The following GUK1 variants were observed in gnomAD, a reference collection of about 807,000 sequenced individuals.
The protein encoded by GUK1 is guanylate kinase.
A neutral mutation model predicts 25.2 loss-of-function variants in GUK1; 18 were observed. The observed-to-expected ratio is 0.71, with a 90% CI of 0.49 to 1.06. GUK1 has a LOEUF of 1.06. GUK1 is among the 50% of genes least tolerant of loss of function. The pLI is 0.00. For synonymous variants in GUK1, 105 were observed against 117.6 expected (o/e 0.89, Z 0.69); for missense variants, 261 against 276.7 (o/e 0.94, Z 0.40).
chr1:228,141,314 G>A (rs932197658), intron 2 of GUK1: 2 of 965,056 alleles, frequency 2.1e-6, no homozygotes, highest in Non-Finnish European at 2.5e-6. Flanking sequence ...TGTCCCCCCC[G>A]GGGAAAGAAA....
chr1:228,140,898 A>G (rs2034007570), intron 1 of GUK1, among the ~76,000 whole-genome samples: 1 of 152,236 alleles, frequency 6.6e-6, no homozygotes, highest in African/African-American at 2.4e-5. Context: ...CTCCAAAGCC[A>G]GAGTCCGGGT....
At chr1:228,146,609 AACCCAGC>A in intron 4 of GUK1, 1 of 557,124 alleles carries the variant, frequency 1.8e-6, no homozygotes, top group Admixed American at 3.0e-5. Context: ...TCCCCACTGG[AACCCAGC>A]AGTCTCGTAT....
At chr1:228,142,778 A>C (rs2034132679) in intron 2 of GUK1, among the ~76,000 whole-genome samples, 1 of 151,838 alleles carries the variant, frequency 6.6e-6, no homozygotes, top group African/African-American at 2.4e-5. Flanking sequence ...GAGCTCCCCA[A>C]TTCCTGGGCA....
intron 3 of GUK1, 80 bp from the exon 3 acceptor site, chr1:228,145,946 C>A: frequency 9.7e-7 from 1 of 1,032,578 alleles, no homozygotes; most frequent in Non-Finnish European, 1.5e-6. Context: ...GGCTCAAGTG[C>A]TGTCGGGACT....
At chr1:228,141,786 G>T (rs767325586) in intron 2 of GUK1, 1 of 1,270,108 alleles carries the variant, frequency 7.9e-7, no homozygotes, top group Non-Finnish European at 1.0e-6. Context: ...GCTCCCAGGA[G>T]ACCTTCCATC....
chr1:228,142,118 A>AGCCT lies in GUK1; in HGVS notation c.-3+832_-3+835dup, dbSNP rs2034093842. Reference sequence around the variant, plus strand: ...CTGGTCTCTCCCCAGGCAGGCAGGCAGCCTGTGCCTCCGCCCTGTCTCCAG... The same window carrying AGCCT: ...CTGGTCTCTCCCCAGGCAGGCAGGCAGCCTGCCTGTGCCTCCGCCCTGTCTCCAG... On this transcript the variant is annotated intron_variant, in intron 2 of 8. Coordinates refer to ENST00000312726, the MANE Select transcript of GUK1 (RefSeq NM_000858.7). 4.1e-5 allele frequency among the ~76,000 whole-genome samples: 6 copies of AGCCT among 147,472 alleles called. No homozygotes were observed. The South Asian group carries it at 1.3e-3, about 32-fold the overall frequency.
rs753021136 is a variant in GUK1 at position 228,148,422 on chromosome 1, AG to A, written c.529del (p.Ala177ProfsTer5). 1 of 1,565,626 alleles carries A rather than the reference AG, an allele frequency of 6.4e-7. No homozygotes were observed. The highest frequency in any genetic ancestry group is 8.7e-7 in the Non-Finnish European group (1 of 1,151,978). ...GTCATCATTAACGACAGCCTGGACCAGGCCTACGCAGAGCTGAAGGAGGCGC... is the reference window on the plus strand; with the variant it reads ...GTCATCATTAACGACAGCCTGGACCAGCCTACGCAGAGCTGAAGGAGGCGC... On this transcript the variant is annotated frameshift_variant, in exon 8 of 9. Transcript: ENST00000312726. LOFTEE classifies it high-confidence loss of function.
At chr1:228,141,004 G>A in intron 1 of GUK1, 1 of 223,688 alleles carries the variant, frequency 4.5e-6, no homozygotes, top group Non-Finnish European at 7.5e-6. Flanking sequence ...CCTCAAAGTT[G>A]ATTTTGACCC....
intron 1 of GUK1, among the ~76,000 whole-genome samples, 156 bp downstream of exon 1, chr1:228,140,519 C>G (rs2033984615): frequency 6.6e-6 from 1 of 152,242 alleles, no homozygotes; most frequent in Admixed American, 6.5e-5. Flanking sequence ...CGGGGGAGCT[C>G]TGGAGGGCGG....
rs143177445 is a variant in GUK1, at chr1:228,142,342, G to A, written c.-3+1054G>A. Among the ~76,000 whole-genome samples, 375 of 152,238 alleles carry A rather than the reference G, an allele frequency of 2.5e-3. 5 individuals carry two copies. Among genetic ancestry groups the A allele is most frequent in the Middle Eastern group, 0.01 (3 of 294 alleles). On this transcript the variant is annotated intron_variant, in intron 2 of 8. Coordinates refer to ENST00000312726, the MANE Select transcript of GUK1 (RefSeq NM_000858.7). ...GCAATTGGTGTGTCATGTGTGCCTCGTGCCCTGTGCTGGGCGAGAGTGGGC... is the reference window on the plus strand; with the variant it reads ...GCAATTGGTGTGTCATGTGTGCCTCATGCCCTGTGCTGGGCGAGAGTGGGC...
At chr1:228,146,529 A>G in intron 4 of GUK1, 1 of 446,314 alleles carries the variant, frequency 2.2e-6, no homozygotes, top group Non-Finnish European at 4.1e-6. Flanking sequence ...GACGGTCTCC[A>G]GTTCCCCCAC....
Position 228,145,855 on chromosome 1 carries a change from T to C in GUK1, c.113-171T>C. 8.6e-6 allele frequency: 6 copies of C among 701,698 alleles called. No homozygotes were observed. In the South Asian group the frequency reaches 9.0e-5, roughly 10 times the overall value. The allele number at this position is 701,698 out of a possible 1,614,324, so 43.5% of individuals were successfully genotyped here. A position where few individuals can be genotyped will look rare whatever the true frequency, so the allele number is the denominator to read the frequency against. On this transcript the variant is annotated intron_variant, in intron 3 of 8. Coordinates refer to ENST00000312726, the MANE Select transcript of GUK1 (RefSeq NM_000858.7). ...TTGAGTACTGATAACTGGGCCACAG[T>C]GTTTCTTTCTGGGAGAACCCTCGCC...
rs773042076 is a variant in GUK1, at chr1:228,147,666, C to T, written c.442C>T (p.Arg148Trp). ...TGAAACCGAGGAGAGCCTGGTGAAG[C>T]GGCTGGCTGCTGCCCAGGCCGACAT... The change falls in exon 7 of 9, where the codon CGG becomes TGG. Residue 148 changes from arginine to tryptophan, a missense_variant. By Grantham distance (101) the Arg-to-Trp change is moderately radical (BLOSUM62 -3). Coordinates refer to ENST00000312726, the MANE Select transcript of GUK1 (RefSeq NM_000858.7). The T allele has an allele frequency of 4.3e-6, 7 of 1,612,792 alleles. No homozygotes were observed. Among genetic ancestry groups the T allele is most frequent in the African/African-American group, 2.7e-5 (2 of 74,892 alleles).
At chr1:228,146,534 C>T (rs532104400) in intron 4 of GUK1, 9 of 481,990 alleles carry the variant, frequency 1.9e-5, no homozygotes, top group Admixed American at 9.9e-5. Context: ...TCTCCAGTTC[C>T]CCCACCACCT....
At chr1:228,148,494 G>A in intron 8 of GUK1, 38 bp downstream of exon 7, 1 of 1,491,962 alleles carries the variant, frequency 6.7e-7, no homozygotes, top group South Asian at 1.3e-5. Context: ...CAAGGCCCAA[G>A]GGGAGGCCTG....
upstream of GUK1, chr1:228,140,111 G>A: frequency 1.8e-6 from 1 of 559,922 alleles, no homozygotes; most frequent in East Asian, 3.3e-5. Context: ...ACGCCCCTGC[G>A]GTCGCGACAG....
chr1:228,140,271 G>A (rs763580311), upstream of GUK1: 161 of 1,524,710 alleles, frequency 1.1e-4, no homozygotes, highest in Non-Finnish European at 1.3e-4. Flanking sequence ...GCGCTGTCAC[G>A]TAGGTTCAGT....
At chr1:228,147,258 T>G in intron 5 of GUK1, 148 bp from the exon 5 acceptor site, 56 of 738,430 alleles carry the variant, frequency 7.6e-5, no homozygotes, top group Non-Finnish European at 1.1e-4. Context: ...GTAGCAGGTT[T>G]GAGATGCTGT....
intron 1 of GUK1, chr1:228,141,081 C>G (rs544427146): frequency 1.1e-6 from 1 of 949,360 alleles, no homozygotes; most frequent in East Asian, 1.2e-4. Context: ...CGGGCTGGGT[C>G]CTGCTCTGCT....
Sources: allele counts gnomAD v4.1 joint callset (sites outside exome capture counted in the v4.1 genomes callset), GRCh38; gene constraint gnomAD v4.1.1; transcripts MANE v1.5; gene names NCBI Gene and HGNC (gene_info 2026-07-23, HGNC 2026-07-21).